The following ELAVL2 variants were observed in gnomAD, a reference collection of about 807,000 sequenced individuals.
The protein encoded by ELAVL2 is ELAV like RNA binding protein 2, also known as ELAV-like protein 2.
In ELAVL2, 4 loss-of-function variants were observed where a neutral mutation model predicts 34.6. The observed-to-expected ratio is 0.12, with a 90% CI of 0.06 to 0.26. The LOEUF (loss-of-function observed/expected upper bound fraction) is 0.26. Ranked by LOEUF, ELAVL2 falls within the 10% of genes least tolerant of loss-of-function variation. The probability of loss-of-function intolerance (pLI) is 1.00; values close to 1 mark genes in which losing one functional copy is unlikely to be tolerated. For missense variants in ELAVL2, 432 were observed against 442.8 expected, an observed-to-expected ratio of 0.98 and a Z score of 0.22; for synonymous variants, 193 against 154.8, an observed-to-expected ratio of 1.25 and a Z score of -1.83.
intron 1 of ELAVL2, among the ~76,000 whole-genome samples, chr9:23,778,471 TAA>T (rs933868956): frequency 7.2e-5 from 11 of 152,204 alleles, no homozygotes; most frequent in African/African-American, 1.9e-4. Flanking sequence ...GCTTAATAAA[TAA>T]AGTTTGGCAA....
chr9:23,823,410 C>T (rs1055461507), intron 1 of ELAVL2, among the ~76,000 whole-genome samples: 3 of 152,112 alleles, frequency 2.0e-5, no homozygotes, highest in African/African-American at 7.2e-5. Flanking sequence ...AGAAGAGTTC[C>T]CCAAGTCTTC....
chr9:23,708,091 T>G (rs1009427977), intron 3 of ELAVL2, among the ~76,000 whole-genome samples: 38 of 152,212 alleles, frequency 2.5e-4, no homozygotes, highest in African/African-American at 8.4e-4. Context: ...TATTGTATCT[T>G]TAGTTCCCAG....
chr9:23,826,985 TAAAG>T (rs1484193887), upstream of ELAVL2, among the ~76,000 whole-genome samples: 1 of 152,208 alleles, frequency 6.6e-6, no homozygotes, highest in African/African-American at 2.4e-5. Context: ...TGCTCTCAAA[TAAAG>T]CTGCACGGTT....
rs917141776 is a variant in ELAVL2, at chr9:23,690,437, T to A, written c.*2120A>T. ...TTTTTAAGTATATACATGTATTTTA[T>A]TTTTTAGTGTTTTTCTTTTTTTAAA... On this transcript the variant is annotated 3_prime_UTR_variant, in exon 7 of 7. Coordinates refer to ENST00000397312, the MANE Select transcript of ELAVL2 (RefSeq NM_004432.5). The A allele has an allele frequency of 1.3e-5, 2 of 152,520 alleles. No homozygotes were observed. Among genetic ancestry groups the A allele is most frequent in the African/African-American group, 2.4e-5 (1 of 41,408 alleles). The allele number at this position is 152,520 out of a possible 1,614,324, so 9.4% of individuals were successfully genotyped here.
chr9:23,744,722 C>A (rs1221425709), intron 2 of ELAVL2, among the ~76,000 whole-genome samples: 1 of 151,766 alleles, frequency 6.6e-6, no homozygotes, highest in Non-Finnish European at 1.5e-5. Context: ...TTTTGGGCTT[C>A]TTTATCCTTC....
intron 2 of ELAVL2, among the ~76,000 whole-genome samples, chr9:23,759,289 A>G (rs1471235604): frequency 2.0e-5 from 3 of 151,980 alleles, no homozygotes; most frequent in Non-Finnish European, 4.4e-5. Flanking sequence ...AACTTAGAGG[A>G]CACTATGTTA....
intron 1 of ELAVL2, among the ~76,000 whole-genome samples, chr9:23,764,803 C>T (rs960893380): frequency 6.6e-6 from 1 of 151,900 alleles, no homozygotes; most frequent in Non-Finnish European, 1.5e-5. Flanking sequence ...AAATTACATA[C>T]GAGAGCATGG....
intron 5 of ELAVL2, among the ~76,000 whole-genome samples, chr9:23,694,337 C>A (rs1035869337): frequency 6.6e-6 from 1 of 151,304 alleles, no homozygotes; most frequent in Non-Finnish European, 1.5e-5. Context: ...CTACATTTTT[C>A]CTATATCAAA....
At chr9:23,702,584 TA>T (rs369905257) in intron 4 of ELAVL2, among the ~76,000 whole-genome samples, 2,965 of 140,960 alleles carry the variant, frequency 0.021, 39 homozygotes, top group South Asian at 0.056. Context: ...TGGAGGAGCT[TA>T]AAAAAAAAAA....
the ELAVL2 span, among the ~76,000 whole-genome samples, chr9:23,848,226 T>G: frequency 3.9e-5 from 6 of 152,168 alleles, no homozygotes; most frequent in Non-Finnish European, 8.8e-5. Context: ...CTAAAATTAA[T>G]TATATAGTTA....
intron 5 of ELAVL2, among the ~76,000 whole-genome samples, chr9:23,695,098 T>G (rs141908020): frequency 1.9e-4 from 29 of 152,226 alleles, no homozygotes; most frequent in African/African-American, 6.3e-4. Context: ...TTTGCAGAGG[T>G]GAGTACAGTC....
intron 1 of ELAVL2, among the ~76,000 whole-genome samples, chr9:23,804,422 G>T (rs1397210883): frequency 6.6e-6 from 1 of 152,046 alleles, no homozygotes; most frequent in Non-Finnish European, 1.5e-5. Flanking sequence ...AGATCTTTTT[G>T]AATGCTCTCT....
chr9:23,712,390 A>G (rs1202420986), intron 3 of ELAVL2, among the ~76,000 whole-genome samples: 1 of 152,204 alleles, frequency 6.6e-6, no homozygotes, highest in Non-Finnish European at 1.5e-5. Flanking sequence ...AGAAAATAAG[A>G]ACCTTAGCTT....
the ELAVL2 span, among the ~76,000 whole-genome samples, chr9:23,835,945 G>T: frequency 1.3e-5 from 2 of 152,120 alleles, no homozygotes; most frequent in African/African-American, 4.8e-5. Flanking sequence ...CCCACTCAAG[G>T]TCAAGCCCAG....
At chr9:23,735,913 G>T (rs1345197636) in intron 2 of ELAVL2, among the ~76,000 whole-genome samples, 1 of 152,150 alleles carries the variant, frequency 6.6e-6, no homozygotes. Flanking sequence ...AACCCGTTTA[G>T]TGGCAAAGTG....
chr9:23,803,726 T>G (rs2061854266), intron 1 of ELAVL2, among the ~76,000 whole-genome samples: 1 of 150,358 alleles, frequency 6.7e-6, no homozygotes, highest in Non-Finnish European at 1.5e-5. Context: ...TTAATCCTCT[T>G]CTCCTGGGGG....
intron 1 of ELAVL2, among the ~76,000 whole-genome samples, chr9:23,818,961 T>C (rs769924627): frequency 2.6e-5 from 4 of 152,226 alleles, no homozygotes; most frequent in Non-Finnish European, 4.4e-5. Flanking sequence ...AAAAAATGTC[T>C]TTCAGCAAAG....
Position 23,705,988 on chromosome 9 carries a change from C to G in ELAVL2, c.334-917G>C, listed in dbSNP as rs79829523. Among the ~76,000 whole-genome samples the G allele has an allele frequency of 3.8e-3, 580 of 152,286 alleles. 8 individuals carry two copies. Among genetic ancestry groups the G allele is most frequent in the African/African-American group, 0.013 (540 of 41,560 alleles). ...CTACATTTCTAAAAAAAAATTCACC[C>G]TTATCAGTAAGTATGCTCTTTTGAT... On this transcript the variant is annotated intron_variant, in intron 3 of 6. Coordinates refer to ENST00000397312, the MANE Select transcript of ELAVL2 (RefSeq NM_004432.5).
At chr9:23,736,109 T>C (rs1378264705) in intron 2 of ELAVL2, among the ~76,000 whole-genome samples, 1 of 152,174 alleles carries the variant, frequency 6.6e-6, no homozygotes, top group African/African-American at 2.4e-5. Context: ...TATTTAGTCT[T>C]TTCTATTTTA....
Sources: allele counts gnomAD v4.1 joint callset (sites outside exome capture counted in the v4.1 genomes callset), GRCh38; gene constraint gnomAD v4.1.1; transcripts MANE v1.5; gene names NCBI Gene and HGNC (gene_info 2026-07-23, HGNC 2026-07-21).